The following PPM1H variants were observed in gnomAD, a reference collection of about 807,000 sequenced individuals.
The protein encoded by PPM1H is protein phosphatase 1H.
Under a neutral mutation model 54.9 loss-of-function variants are expected in PPM1H, and 27 were observed. The observed-to-expected ratio is 0.49, with a 90% confidence interval of 0.36 to 0.68. The LOEUF is 0.68. Ranked by LOEUF, PPM1H falls within the 30% of genes least tolerant of loss-of-function variation. The pLI, the probability that PPM1H is intolerant of heterozygous loss-of-function variation, is 0.00. For synonymous variants in PPM1H, 305 were observed against 270.8 expected, an observed-to-expected ratio of 1.13 and a Z score of -1.24; for missense variants, 596 against 667.8, an observed-to-expected ratio of 0.89 and a Z score of 1.19.
chr12:62,828,940 G>A (rs55648024), intron 2 of PPM1H, among the ~76,000 whole-genome samples: 15,330 of 150,198 alleles, frequency 0.1, 1,564 homozygotes, highest in African/African-American at 0.26. Flanking sequence ...ATTAAAAAAA[G>A]AAAACAGAAA....
At chr12:62,725,890 C>T (rs558645507) in intron 5 of PPM1H, among the ~76,000 whole-genome samples, 1 of 152,138 alleles carries the variant, frequency 6.6e-6, no homozygotes, top group Non-Finnish European at 1.5e-5. Context: ...AGTCACCCCC[C>T]CACTGATACT....
At chr12:62,728,009 A>G (rs2076299320) in intron 5 of PPM1H, among the ~76,000 whole-genome samples, 2 of 152,106 alleles carry the variant, frequency 1.3e-5, no homozygotes, top group Non-Finnish European at 1.5e-5. Flanking sequence ...TTAAAAAAAA[A>G]GGATCTCTTC....
At position 62,697,855 on chromosome 12, in the gene PPM1H, A is replaced by G. The variant is rs74562063; in HGVS notation, c.1074-3856T>C. Among the ~76,000 whole-genome samples the G allele has an allele frequency of 2.4e-3, 368 of 152,284 alleles. 2 individuals carry two copies. Among genetic ancestry groups the G allele is most frequent in the African/African-American group, 8.2e-3 (342 of 41,560 alleles). Reference sequence around the variant, plus strand: ...GAGATTATATTATTTGTTACGAGATAGCAAAACTGAAAGGCTTAGGAAAGA... The same window carrying G: ...GAGATTATATTATTTGTTACGAGATGGCAAAACTGAAAGGCTTAGGAAAGA... On this transcript the variant is annotated intron_variant, in intron 6 of 9. Coordinates refer to ENST00000228705, the MANE Select transcript of PPM1H (RefSeq NM_020700.2).
chr12:62,873,076 G>A (rs1870042175), intron 1 of PPM1H, among the ~76,000 whole-genome samples: 1 of 152,108 alleles, frequency 6.6e-6, no homozygotes, highest in Admixed American at 6.6e-5. Context: ...GTGTTTCTAA[G>A]GCCACAGACC....
At chr12:62,880,723 G>T (rs1185225469) in intron 1 of PPM1H, among the ~76,000 whole-genome samples, 5 of 152,148 alleles carry the variant, frequency 3.3e-5, no homozygotes, top group African/African-American at 1.2e-4. Context: ...CCCGTGCTCA[G>T]CTCCACCTCA....
At chr12:62,767,468 C>A (rs1055883962) in intron 4 of PPM1H, among the ~76,000 whole-genome samples, 2 of 152,174 alleles carry the variant, frequency 1.3e-5, no homozygotes, top group Non-Finnish European at 2.9e-5. Flanking sequence ...GCTGCTATAG[C>A]AGATAATCCT....
At chr12:62,671,136 C>T (rs2075954239) in intron 8 of PPM1H, among the ~76,000 whole-genome samples, 1 of 152,066 alleles carries the variant, frequency 6.6e-6, no homozygotes, top group South Asian at 2.1e-4. Context: ...CTCAAAGTTC[C>T]CCTGTTCAAT....
At chr12:62,866,866 T>A (rs1411066789) in intron 1 of PPM1H, among the ~76,000 whole-genome samples, 1 of 152,076 alleles carries the variant, frequency 6.6e-6, no homozygotes, top group East Asian at 1.9e-4. Flanking sequence ...ATTGAGTCCA[T>A]GACGCTCATC....
chr12:62,670,870 T>C (rs2075953065), intron 8 of PPM1H, among the ~76,000 whole-genome samples: 1 of 152,222 alleles, frequency 6.6e-6, no homozygotes, highest in Non-Finnish European at 1.5e-5. Flanking sequence ...CCACCCTCTG[T>C]TTCCTGCCCT....
intron 9 of PPM1H, among the ~76,000 whole-genome samples, chr12:62,650,576 G>A (rs4763186): frequency 0.64 from 97,109 of 152,022 alleles, 31,255 homozygotes; most frequent in Middle Eastern, 0.77. Flanking sequence ...ACACTGCTAT[G>A]AAGAACTACC....
In PPM1H at chr12:62,648,594, AC is replaced by A; in HGVS notation, c.1439del (p.Gly480ValfsTer3). 1 of 1,613,818 alleles carries A rather than the reference AC, an allele frequency of 6.2e-7. No individual in the cohort carries two copies. Among genetic ancestry groups the A allele is most frequent in the Non-Finnish European group, 8.5e-7 (1 of 1,179,860 alleles). On this transcript the variant is annotated frameshift_variant, in exon 10 of 10. Transcript: ENST00000228705. LOFTEE classifies it high-confidence loss of function. ...AAQDLVMRAR[G>X]VLKDRGWRIS... is the part of the protein sequence containing the mutation. Reference sequence around the variant, plus strand: ...TCCGCCATCCTCTGTCCTTCAGCACACCCCGGGCACGCATCACCAGGTCCTG... The same window carrying A: ...TCCGCCATCCTCTGTCCTTCAGCACACCCGGGCACGCATCACCAGGTCCTG...
Position 62,650,845 on chromosome 12 carries a change from G to T in PPM1H, c.1398-2209C>A, listed in dbSNP as rs1342521434. Among the ~76,000 whole-genome samples the T allele has an allele frequency of 2.0e-5, 3 of 152,222 alleles. No individual in the cohort carries two copies. The South Asian group carries it at 6.2e-4, about 32-fold the overall frequency. On this transcript the variant is annotated intron_variant, in intron 9 of 9. Transcript: ENST00000228705. ...CCCATGATCTAATTGCCTCCCACCAGGTCCCTCTCCTGACATGTAGGGATT... is the reference window on the plus strand; with the variant it reads ...CCCATGATCTAATTGCCTCCCACCATGTCCCTCTCCTGACATGTAGGGATT...
intron 2 of PPM1H, among the ~76,000 whole-genome samples, chr12:62,823,814 A>C (rs533716840): frequency 7.9e-4 from 121 of 152,320 alleles, no homozygotes; most frequent in African/African-American, 2.9e-3. Flanking sequence ...CAAAAACTGG[A>C]AGCATTCCCT....
intron 2 of PPM1H, among the ~76,000 whole-genome samples, chr12:62,825,145 T>A (rs1316280353): frequency 1.3e-5 from 2 of 152,132 alleles, no homozygotes; most frequent in Non-Finnish European, 2.9e-5. Context: ...AAAATCCTCA[T>A]CATCACTGGT....
intron 8 of PPM1H, among the ~76,000 whole-genome samples, chr12:62,687,053 A>C (rs1466406048): frequency 6.6e-6 from 1 of 152,194 alleles, no homozygotes; most frequent in African/African-American, 2.4e-5. Context: ...TCCTCTCCGG[A>C]AATGTGGAAT....
intron 1 of PPM1H, among the ~76,000 whole-genome samples, chr12:62,836,635 G>C (rs1016174879): frequency 6.6e-6 from 1 of 152,166 alleles, no homozygotes; most frequent in Non-Finnish European, 1.5e-5. Context: ...GATTGTGTGT[G>C]TGTGTGTTGG....
chr12:62,833,650 T>A (rs1868416493), intron 1 of PPM1H, among the ~76,000 whole-genome samples: 1 of 152,216 alleles, frequency 6.6e-6, no homozygotes, highest in African/African-American at 2.4e-5. Context: ...AAATTGAGAT[T>A]TGAGTGCCGC....
intron 3 of PPM1H, among the ~76,000 whole-genome samples, chr12:62,801,076 G>A (rs1272908525): frequency 2.0e-5 from 3 of 152,180 alleles, no homozygotes; most frequent in Non-Finnish European, 2.9e-5. Context: ...CACATTCCCA[G>A]TTGTGGTAAA....
rs970549395 is a variant in PPM1H, at chr12:62,645,907, C to G, written c.*2582G>C. 1 of 152,130 alleles carries G rather than the reference C, an allele frequency of 6.6e-6. No homozygotes were observed. The highest frequency in any genetic ancestry group is 1.5e-5 in the Non-Finnish European group (1 of 68,026). The allele number at this position is 152,130 out of a possible 1,614,324, so 9.4% of individuals were successfully genotyped here. A position where few individuals can be genotyped will look rare whatever the true frequency, so the allele number is the denominator to read the frequency against. ...TCCAGGGATGCACCAGGGGCCAACC[C>G]GTTATGTAGACACGGTTACTGTTTT... On this transcript the variant is annotated 3_prime_UTR_variant, in exon 10 of 10. Transcript: ENST00000228705.
Sources: allele counts gnomAD v4.1 joint callset (sites outside exome capture counted in the v4.1 genomes callset), GRCh38; gene constraint gnomAD v4.1.1; transcripts MANE v1.5; gene names NCBI Gene and HGNC (gene_info 2026-07-23, HGNC 2026-07-21).